Variants in MAFK observed in about 807,000 individuals in gnomAD.
The protein encoded by MAFK is transcription factor MafK.
Under a neutral mutation model 9.2 loss-of-function variants are expected in MAFK, and 1 was observed. The observed-to-expected ratio is 0.11, with a 90% CI of 0.04 to 0.52. The LOEUF (loss-of-function observed/expected upper bound fraction) is 0.52. MAFK is among the 20% of genes least tolerant of loss of function. The pLI is 0.94. For missense variants in MAFK, 207 were observed against 236.0 expected, an observed-to-expected ratio of 0.88 and a Z score of 0.81; for synonymous variants, 110 against 107.4, an observed-to-expected ratio of 1.02 and a Z score of -0.15.
At chr7:1,537,794 C>A in intron 1 of MAFK, 1 of 729,852 alleles carries the variant, frequency 1.4e-6, no homozygotes, top group Non-Finnish European at 1.7e-6. Flanking sequence ...GGCCCGAGGG[C>A]TCCCTGGCCC....
At position 1,534,236 on chromosome 7, in the gene MAFK, C is replaced by T; in HGVS notation, c.-45+3338C>T. 2 of 455,622 alleles carry T rather than the reference C, an allele frequency of 4.4e-6. No individual in the cohort carries two copies. The highest frequency in any genetic ancestry group is 3.1e-5 in the South Asian group (2 of 64,556). 28.2% of individuals were successfully genotyped at this position (455,622 alleles called of 1,614,324 possible). On this transcript the variant is annotated intron_variant, in intron 1 of 2. Coordinates refer to ENST00000343242, the MANE Select transcript of MAFK (RefSeq NM_002360.4). The surrounding 1 kb of genome is among the most constrained non-coding windows in gnomAD (Gnocchi z 4.3). ...TGGGGGCCCTCGCAGTGTAGGACCT[C>T]ATCCTCAGTAGGAAGGGTGTCTGGC...
chr7:1,543,021 A>G lies in MAFK; in HGVS notation c.*2646A>G, dbSNP rs1562550378. On this transcript the variant is annotated 3_prime_UTR_variant, in exon 3 of 3. Transcript: ENST00000343242. ...CTGTGACTGCTTTTGTACCTTTGCAATAAAGAATTTTCTGGTTTCAGACCC... is the reference window on the plus strand; with the variant it reads ...CTGTGACTGCTTTTGTACCTTTGCAGTAAAGAATTTTCTGGTTTCAGACCC... 1 of 152,574 alleles carries G rather than the reference A, an allele frequency of 6.6e-6. No homozygotes were observed. Among genetic ancestry groups the G allele is most frequent in the Non-Finnish European group, 1.5e-5 (1 of 68,052 alleles). 9.5% of individuals were successfully genotyped at this position (152,574 alleles called of 1,614,324 possible). A position where few individuals can be genotyped will look rare whatever the true frequency, so the allele number is the denominator to read the frequency against.
Position 1,540,223 on chromosome 7 carries a change from C to T in MAFK, c.319C>T (p.Leu107=). 1 of 1,601,724 alleles carries T rather than the reference C, an allele frequency of 6.2e-7. No individual in the cohort carries two copies. Residue 107 remains leucine (L), a synonymous_variant, in exon 3 of 3, where the codon CTG becomes TTG. Coordinates refer to ENST00000343242, the MANE Select transcript of MAFK (RefSeq NM_002360.4). ...NSSMRLELDA[L]RSKYEALQTF... ...CAGCATGCGGCTGGAGCTGGACGCC[C>T]TGCGCTCCAAGTACGAGGCGCTGCA...
At chr7:1,538,670 A>G in intron 1 of MAFK, 1 of 160,528 alleles carries the variant, frequency 6.2e-6, no homozygotes, top group Non-Finnish European at 1.3e-5. Flanking sequence ...GTCTTGAGGG[A>G]GGGAGGTTTT....
rs185704445 is a variant in MAFK at position 1,538,852 on chromosome 7, C to T, written c.-44-297C>T. On this transcript the variant is annotated intron_variant, in intron 1 of 2. Coordinates refer to ENST00000343242, the MANE Select transcript of MAFK (RefSeq NM_002360.4). ...GTCTGCAGGGCAGCAGGGGGCCGCA[C>T]CTGGCTGCCAGGCCCTGGGGTGGGG... 636 of 312,832 alleles carry T rather than the reference C, an allele frequency of 2.0e-3. 7 individuals are homozygous for T. Among genetic ancestry groups the T allele is most frequent in the African/African-American group, 0.013 (565 of 44,058 alleles). The allele number at this position is 312,832 out of a possible 1,614,324, so 19.4% of individuals were successfully genotyped here.
intron 1 of MAFK, among the ~76,000 whole-genome samples, chr7:1,531,617 C>T (rs1783908078): frequency 6.6e-6 from 1 of 152,208 alleles, no homozygotes; most frequent in African/African-American, 2.4e-5. Flanking sequence ...CGGCCTCTTC[C>T]CGCTCCCACT....
Position 1,539,234 on chromosome 7 carries a change from G to A in MAFK, c.36+6G>A. 2.5e-6 allele frequency: 4 copies of A among 1,609,854 alleles called. No individual in the cohort carries two copies. Among genetic ancestry groups the A allele is most frequent in the Non-Finnish European group, 3.4e-6 (4 of 1,178,170 alleles). On this transcript the variant is annotated splice_donor_region_variant and intron_variant, in intron 2 of 2. Transcript: ENST00000343242. ...AACCGAATAAGGCATTAAAGGTAAG[G>A]CTGGTTCCAAGCAGGCCCCGTCTCA...
chr7:1,536,227 G>A (rs542102486), intron 1 of MAFK, among the ~76,000 whole-genome samples: 1 of 152,308 alleles, frequency 6.6e-6, no homozygotes, highest in South Asian at 2.1e-4. Context: ...CCGCTGTGGC[G>A]CTGAACACTG....
At chr7:1,533,249 G>A (rs904079399) in intron 1 of MAFK, among the ~76,000 whole-genome samples, 5 of 152,224 alleles carry the variant, frequency 3.3e-5, no homozygotes, top group Non-Finnish European at 5.9e-5. Context: ...CCTGGGGAAG[G>A]TATTGGGGTG....
intron 1 of MAFK, among the ~76,000 whole-genome samples, chr7:1,537,059 G>A (rs2128551668): frequency 6.6e-6 from 1 of 152,384 alleles, no homozygotes; most frequent in Admixed American, 6.5e-5. Flanking sequence ...TTGACCTCCT[G>A]GAAGTAGTCA....
chr7:1,540,302 C>T lies in MAFK; in HGVS notation c.398C>T (p.Thr133Ile). ...RGPVAPSKVA[T>I]TSVITIVKST... ...CCTGTGGCGCCCTCCAAGGTGGCCACCACCAGCGTCATCACCATCGTCAAG... is the reference window on the plus strand; with the variant it reads ...CCTGTGGCGCCCTCCAAGGTGGCCATCACCAGCGTCATCACCATCGTCAAG... The change falls in exon 3 of 3, where the codon ACC becomes ATC. Residue 133 changes from threonine (T) to isoleucine (I), a missense_variant. By Grantham distance (89) the Thr-to-Ile change is moderately conservative. Coordinates refer to ENST00000343242, the MANE Select transcript of MAFK (RefSeq NM_002360.4). The T allele has an allele frequency of 6.2e-7, 1 of 1,611,616 alleles. No homozygotes were observed. The highest frequency in any genetic ancestry group is 8.5e-7 in the Non-Finnish European group (1 of 1,179,172).
Position 1,539,948 on chromosome 7 carries a change from A to G in MAFK, c.44A>G (p.Lys15Arg). ...CGCACTGTGGCCCCCCAGGTCAAGAAGGAGGCGGGCGAGAACGCCCCGGTG... is the reference window on the plus strand; with the variant it reads ...CGCACTGTGGCCCCCCAGGTCAAGAGGGAGGCGGGCGAGAACGCCCCGGTG... ...PKPNKALKVK[K>R]EAGENAPVLS... Residue 15 changes from lysine to arginine, a missense_variant, in exon 3 of 3, where the codon AAG (lysine) becomes AGG (arginine). Coordinates refer to ENST00000343242, the MANE Select transcript of MAFK (RefSeq NM_002360.4). 1 of 1,528,928 alleles carries G rather than the reference A, an allele frequency of 6.5e-7. No homozygotes were observed. The highest frequency in any genetic ancestry group is 8.8e-7 in the Non-Finnish European group (1 of 1,133,234). 94.7% of individuals were successfully genotyped at this position (1,528,928 alleles called of 1,614,324 possible).
At chr7:1,538,428 G>A (rs773884670) in intron 1 of MAFK, 8 of 977,348 alleles carry the variant, frequency 8.2e-6, no homozygotes, top group Non-Finnish European at 9.7e-6. Context: ...TGGAGGTGGT[G>A]ATGTCACAGC....
chr7:1,535,975 G>A (rs3735654), intron 1 of MAFK, among the ~76,000 whole-genome samples: 88,083 of 152,142 alleles, frequency 0.58, 25,799 homozygotes, highest in East Asian at 0.65. Context: ...TTGAGAGGAA[G>A]TGATGCCCCC....
rs894568924 is a variant in MAFK, at chr7:1,541,206, C to G, written c.*831C>G. 6.5e-6 allele frequency: 1 copy of G among 152,978 alleles called. No individual in the cohort carries two copies. The highest frequency in any genetic ancestry group is 2.4e-5 in the African/African-American group (1 of 41,460). 9.5% of individuals were successfully genotyped at this position (152,978 alleles called of 1,614,324 possible). On this transcript the variant is annotated 3_prime_UTR_variant, in exon 3 of 3. Transcript: ENST00000343242. Reference sequence around the variant, plus strand: ...GCCCCTGCCCACGGGATCCGGCCCCCCAGACACCGACCCCACAGGCCGTCC... The same window carrying G: ...GCCCCTGCCCACGGGATCCGGCCCCGCAGACACCGACCCCACAGGCCGTCC...
intron 1 of MAFK, among the ~76,000 whole-genome samples, chr7:1,531,122 G>C (rs1438167498): frequency 1.3e-5 from 2 of 148,776 alleles, no homozygotes; most frequent in South Asian, 2.1e-4. Flanking sequence ...CCCGGGACGC[G>C]AGGCTCTCTC....
At chr7:1,539,071 T>C in intron 1 of MAFK, 78 bp from the exon 2 acceptor site, 2 of 1,111,748 alleles carry the variant, frequency 1.8e-6, no homozygotes, top group Admixed American at 3.7e-5. Flanking sequence ...GAAGCATCCC[T>C]GCATGGGAGG....
At chr7:1,538,531 G>A (rs1388154436) in intron 1 of MAFK, 14 of 721,746 alleles carry the variant, frequency 1.9e-5, no homozygotes, top group Non-Finnish European at 2.2e-5. Flanking sequence ...CACCGTGGGG[G>A]ATGGCGATGT....
rs1244989884 is a variant in MAFK, at chr7:1,540,407, G to GGGCGGCGGGCA, written c.*38_*48dup. On this transcript the variant is annotated 3_prime_UTR_variant, in exon 3 of 3. Transcript: ENST00000343242. ...CCGGGGGCGGGGGGTGGCGGGCGGCGGGCGGCGGGCAGGCGGGTGGGGGCA... is the reference window on the plus strand; with the variant it reads ...CCGGGGGCGGGGGGTGGCGGGCGGCGGGCGGCGGGCAGGCGGCGGGCAGGCGGGTGGGGGCA... The GGGCGGCGGGCA allele has an allele frequency of 3.3e-4, 454 of 1,358,386 alleles. 1 individual carries two copies. The African/African-American group carries it at 6.3e-3, about 19-fold the overall frequency. 84.1% of individuals were successfully genotyped at this position (1,358,386 alleles called of 1,614,324 possible).
Sources: gnomAD v4.1 joint callset for allele counts (sites outside exome capture counted in the v4.1 genomes callset) on GRCh38, gnomAD v4.1.1 for gene constraint, Gnocchi (gnomAD v3.1) non-coding constraint, MANE v1.5 for transcripts, NCBI Gene and HGNC (gene_info 2026-07-23, HGNC 2026-07-21) for gene names.